ZNF280B: variants seen among roughly 807,000 people sequenced by gnomAD.
ZNF280B encodes suppressor of hairy wing homolog 2.
ZNF280B carries 16 observed loss-of-function variants against 38.0 expected under a neutral mutation model. That is an observed-to-expected ratio of 0.42 (90% CI 0.28 to 0.64). ZNF280B has a LOEUF of 0.64. Among genes scored for constraint, ZNF280B ranks in the 30% least tolerant of loss-of-function variants. The pLI is 0.21. For missense variants in ZNF280B, 581 were observed against 639.6 expected (o/e 0.91, Z 0.99); for synonymous variants, 253 against 230.6 (o/e 1.10, Z -0.88).
chr22:22,496,669 G>T (rs931559637), intron 2 of ZNF280B, among the ~76,000 whole-genome samples: 1 of 151,582 alleles, frequency 6.6e-6, no homozygotes, highest in Non-Finnish European at 1.5e-5. Flanking sequence ...GAAGCAGTGG[G>T]GTGAAGAAAG....
At chr22:22,490,116 A>C (rs932819755) in intron 3 of ZNF280B, among the ~76,000 whole-genome samples, 1 of 152,006 alleles carries the variant, frequency 6.6e-6, no homozygotes, top group African/African-American at 2.4e-5. Flanking sequence ...GTCAATTGCC[A>C]GGCAGATAAT....
intron 2 of ZNF280B, among the ~76,000 whole-genome samples, chr22:22,498,793 C>CTTTTTTTTTTTTTTTT (rs60940298): frequency 1.2e-5 from 1 of 83,632 alleles, no homozygotes. Flanking sequence ...GGCCAATATC[C>CTTTTTTTTTTTTTTTT]TTTTTTTTTT....
In ZNF280B at chr22:22,488,891, G is replaced by A. The variant is rs753541197; in HGVS notation, c.508C>T (p.Arg170Cys). The part of the protein sequence containing the change: ...LSVGGINESP[R>C]VSKQLSTFEV... ...AAAGTGGAAAGTTGCTTTGATACAC[G>A]AGGACTTTCATTTATACCTCCTACT... The change falls in exon 4 of 4, where the codon CGT (arginine) becomes TGT (cysteine). Residue 170 changes from arginine (R) to cysteine (C), a missense_variant. By Grantham distance (180) the Arg-to-Cys change is radical. Coordinates refer to ENST00000626650, the MANE Select transcript of ZNF280B (RefSeq NM_080764.4). 8 of 1,613,500 alleles carry A rather than the reference G, an allele frequency of 5.0e-6. No individual in the cohort carries two copies. The highest frequency in any genetic ancestry group is 3.3e-4 in the Middle Eastern group (2 of 6,072).
In ZNF280B at chr22:22,486,070, T is replaced by A. The variant is rs556600063; in HGVS notation, c.*1697A>T. The A allele has an allele frequency of 3.6e-4, 55 of 152,002 alleles. No homozygotes were observed. The allele number at this position is 152,002 out of a possible 1,614,324, so 9.4% of individuals were successfully genotyped here. On this transcript the variant is annotated 3_prime_UTR_variant, in exon 4 of 4. Transcript: ENST00000626650. ...CATTAACTCTAAGTCTTAAAACTTA[T>A]TGAATTAGAGAGACATTTCTTGCAC... is the stretch of plus-strand genomic sequence containing the variant.
At position 22,487,710 on chromosome 22, in the gene ZNF280B, TTA is replaced by T. The variant is rs1319446256; in HGVS notation, c.*55_*56del. On this transcript the variant is annotated 3_prime_UTR_variant, in exon 4 of 4. Transcript: ENST00000626650. ...TAATGTATGGTTTGTATTTTTTGTT[TTA>T]TGAGGTTTTTTAATTTGGTTTGAAA... The T allele has an allele frequency of 1.4e-6, 2 of 1,453,350 alleles. No homozygotes were observed. Among genetic ancestry groups the T allele is most frequent in the East Asian group, 4.6e-5 (2 of 43,786 alleles). The allele number at this position is 1,453,350 out of a possible 1,614,324, so 90.0% of individuals were successfully genotyped here.
At chr22:22,506,709 C>A (rs77131665) in intron 2 of ZNF280B, among the ~76,000 whole-genome samples, 6,412 of 151,862 alleles carry the variant, frequency 0.042, 193 homozygotes, top group Middle Eastern at 0.094. Flanking sequence ...TAACCCTAGA[C>A]AAAGAGAAGT....
At chr22:22,501,156 A>G (rs2061816724) in intron 2 of ZNF280B, among the ~76,000 whole-genome samples, 1 of 151,946 alleles carries the variant, frequency 6.6e-6, no homozygotes, top group Non-Finnish European at 1.5e-5. Context: ...CTGCAAGATG[A>G]AAAAGTTCTA....
At position 22,487,339 on chromosome 22, in the gene ZNF280B, A is replaced by G. The variant is rs1245778503; in HGVS notation, c.*428T>C. ...GCGCCTGTAGTCCTAGCTACTCTCC[A>G]AAGGCTGAGGCGGAGGAATGCTTGA... is the stretch of plus-strand genomic sequence containing the variant. On this transcript the variant is annotated 3_prime_UTR_variant, in exon 4 of 4. Transcript: ENST00000626650. The G allele has an allele frequency of 1.3e-5, 2 of 151,236 alleles. No homozygotes were observed. The highest frequency in any genetic ancestry group is 2.1e-4 in the South Asian group (1 of 4,796). The allele number at this position is 151,236 out of a possible 1,614,324, so 9.4% of individuals were successfully genotyped here.
intron 2 of ZNF280B, among the ~76,000 whole-genome samples, chr22:22,499,413 C>T (rs1375345345): frequency 2.6e-5 from 4 of 151,742 alleles, no homozygotes; most frequent in African/African-American, 4.8e-5. Flanking sequence ...TACAGGCATG[C>T]GTCACCACGC....
In ZNF280B at chr22:22,487,282, T is replaced by A. The variant is rs559296995; in HGVS notation, c.*485A>T. 1.3e-5 allele frequency: 2 copies of A among 150,696 alleles called. No individual in the cohort carries two copies. The highest frequency in any genetic ancestry group is 4.9e-5 in the African/African-American group (2 of 41,082). 9.3% of individuals were successfully genotyped at this position (150,696 alleles called of 1,614,324 possible). ...AACAAGATTCCATCGCTACAAAAAA[T>A]TAAAATAAAAAATTAGCTGGGTGTG... On this transcript the variant is annotated 3_prime_UTR_variant, in exon 4 of 4. Transcript: ENST00000626650.
In ZNF280B at chr22:22,486,989, G is replaced by T. The variant is rs753208148; in HGVS notation, c.*778C>A. The T allele has an allele frequency of 6.6e-6, 1 of 151,948 alleles. No homozygotes were observed. Among genetic ancestry groups the T allele is most frequent in the Admixed American group, 6.6e-5 (1 of 15,232 alleles). The allele number at this position is 151,948 out of a possible 1,614,324, so 9.4% of individuals were successfully genotyped here. On this transcript the variant is annotated 3_prime_UTR_variant, in exon 4 of 4. Coordinates refer to ENST00000626650, the MANE Select transcript of ZNF280B (RefSeq NM_080764.4). ...ACTTCTGGGAATTCGGCAGCAAGTGGGCCAGGGCATAACAAAGCCATTCCA... is the reference window on the plus strand; with the variant it reads ...ACTTCTGGGAATTCGGCAGCAAGTGTGCCAGGGCATAACAAAGCCATTCCA...
At chr22:22,493,137 T>C (rs946541145) in intron 3 of ZNF280B, among the ~76,000 whole-genome samples, 1 of 151,630 alleles carries the variant, frequency 6.6e-6, no homozygotes, top group Non-Finnish European at 1.5e-5. Flanking sequence ...CAGCCTCCCG[T>C]GTAGCTGGGA....
chr22:22,504,861 A>G (rs889910394), intron 2 of ZNF280B, among the ~76,000 whole-genome samples: 46 of 152,024 alleles, frequency 3.0e-4, no homozygotes, highest in African/African-American at 1.0e-3. Context: ...TAAGAAGACC[A>G]CTCATTCAAT....
In ZNF280B at chr22:22,487,447, T is replaced by TAAAAAAAAAAA. The variant is rs71199481; in HGVS notation, c.*309_*319dup. ...TAACAGTGAGACCCTGTCTCTAAAG[T>TAAAAAAAAAAA]AAAAAAAAAAAAAAAAAAAAAAAAA... On this transcript the variant is annotated 3_prime_UTR_variant, in exon 4 of 4. Coordinates refer to ENST00000626650, the MANE Select transcript of ZNF280B (RefSeq NM_080764.4). 6.0e-5 allele frequency: 4 copies of TAAAAAAAAAAA among 66,744 alleles called. No homozygotes were observed. Among genetic ancestry groups the TAAAAAAAAAAA allele is most frequent in the African/African-American group, 2.0e-4 (4 of 20,482 alleles). 4.1% of individuals were successfully genotyped at this position (66,744 alleles called of 1,614,324 possible).
intron 3 of ZNF280B, among the ~76,000 whole-genome samples, chr22:22,490,013 T>A (rs1025865704): frequency 6.6e-6 from 1 of 151,970 alleles, no homozygotes; most frequent in Non-Finnish European, 1.5e-5. Flanking sequence ...TTGATTCATA[T>A]ATAGTAATCT....
intron 2 of ZNF280B, among the ~76,000 whole-genome samples, chr22:22,504,707 A>C (rs541541190): frequency 1.8e-4 from 28 of 151,994 alleles, no homozygotes; most frequent in African/African-American, 6.5e-4. Context: ...GTATTCAATC[A>C]GTAGAATTAA....
At chr22:22,507,306 T>G (rs535768069) in intron 2 of ZNF280B, among the ~76,000 whole-genome samples, 1 of 151,970 alleles carries the variant, frequency 6.6e-6, no homozygotes, top group Non-Finnish European at 1.5e-5. Context: ...TAATAAATTT[T>G]TTTTTAAACT....
rs1341973565 is a variant in ZNF280B at position 22,485,587 on chromosome 22, T to C, written c.*2180A>G. Reference sequence around the variant, plus strand: ...AAAATTTTCTAAAATGTAGATAATATACTCACAACTTCTTTGTTATCTGTA... The same window carrying C: ...AAAATTTTCTAAAATGTAGATAATACACTCACAACTTCTTTGTTATCTGTA... On this transcript the variant is annotated 3_prime_UTR_variant, in exon 4 of 4. Transcript: ENST00000626650. The C allele has an allele frequency of 6.6e-6, 1 of 151,938 alleles. No individual in the cohort carries two copies. The highest frequency in any genetic ancestry group is 2.4e-5 in the African/African-American group (1 of 41,378). 9.4% of individuals were successfully genotyped at this position (151,938 alleles called of 1,614,324 possible).
rs1307202846 is a variant in ZNF280B, at chr22:22,501,934, T to C, written c.-187+5876A>G. Among the ~76,000 whole-genome samples the C allele has an allele frequency of 2.7e-5, 4 of 150,344 alleles. No homozygotes were observed. The South Asian group carries it at 8.4e-4, about 32-fold the overall frequency. ...ACCTTGGTGCCAGAGCAAGACTGTC[T>C]CAAGAAAAAAAAAAAATTTAAATTT... is the stretch of plus-strand genomic sequence containing the variant. On this transcript the variant is annotated intron_variant, in intron 2 of 3. Coordinates refer to ENST00000626650, the MANE Select transcript of ZNF280B (RefSeq NM_080764.4).
Sources: gnomAD v4.1 joint callset for allele counts (sites outside exome capture counted in the v4.1 genomes callset) on GRCh38, gnomAD v4.1.1 for gene constraint, MANE v1.5 for transcripts, NCBI Gene and HGNC (gene_info 2026-07-23, HGNC 2026-07-21) for gene names.